The following SLC9C2 variants were observed in gnomAD, a reference collection of about 807,000 sequenced individuals.
SLC9C2 encodes the protein sodium/hydrogen exchanger 11.
SLC9C2 carries 75 observed loss-of-function variants against 140.2 expected under a neutral mutation model. That is an observed-to-expected ratio of 0.53 (90% confidence interval 0.44 to 0.65). SLC9C2 has a LOEUF of 0.65. Among genes scored for constraint, SLC9C2 ranks in the 30% least tolerant of loss-of-function variants. The pLI is 0.00. For missense variants in SLC9C2, 1,074 were observed against 1,331.8 expected, an observed-to-expected ratio of 0.81 and a Z score of 3.01; for synonymous variants, 375 against 420.9, an observed-to-expected ratio of 0.89 and a Z score of 1.34.
chr1:173,557,979 C>A (rs745418750), intron 9 of SLC9C2, among the ~76,000 whole-genome samples: 3 of 152,104 alleles, frequency 2.0e-5, no homozygotes, highest in Non-Finnish European at 4.4e-5. Flanking sequence ...AAGAATCATA[C>A]GCTAAATGTC....
In SLC9C2 at chr1:173,550,452, A is replaced by ATTTATTTATTT. The variant is rs767649310; in HGVS notation, c.1298-1901_1298-1900insAAATAAATAAA. Among the ~76,000 whole-genome samples the ATTTATTTATTT allele has an allele frequency of 4.1e-3, 601 of 145,610 alleles. 4 individuals carry two copies. The highest frequency in any genetic ancestry group is 0.015 in the African/African-American group (569 of 38,412). On this transcript the variant is annotated intron_variant, in intron 11 of 27. Coordinates refer to ENST00000367714, the MANE Select transcript of SLC9C2 (RefSeq NM_178527.4). The stretch of plus-strand genomic sequence containing the variant: ...TATTTATTTATTTATTTATTTATTT[A>ATTTATTTATTT]TTTTTGAGGAGGAGTTTCACTCTGT...
Position 173,601,543 on chromosome 1 carries a change from G to A in SLC9C2, c.127+107C>T, listed in dbSNP as rs967671158. ...TGACAGTATTCACTCATGTCTTATC[G>A]TTTCAATGGGCCCCTTCTTTTGATG... On this transcript the variant is annotated intron_variant, in intron 2 of 27. Coordinates refer to ENST00000367714, the MANE Select transcript of SLC9C2 (RefSeq NM_178527.4). 45 of 1,274,042 alleles carry A rather than the reference G, an allele frequency of 3.5e-5. No homozygotes were observed. The Admixed American group carries it at 6.1e-4, about 17-fold the overall frequency. The allele number at this position is 1,274,042 out of a possible 1,614,324, so 78.9% of individuals were successfully genotyped here. A position where few individuals can be genotyped will look rare whatever the true frequency, so the allele number is the denominator to read the frequency against.
At chr1:173,535,233 T>C (rs1042079137) in intron 15 of SLC9C2, among the ~76,000 whole-genome samples, 3 of 152,162 alleles carry the variant, frequency 2.0e-5, no homozygotes, top group African/African-American at 7.2e-5. Flanking sequence ...CCTCTTAAAA[T>C]TTAGCAGCAT....
intron 13 of SLC9C2, among the ~76,000 whole-genome samples, chr1:173,540,472 T>C (rs935356154): frequency 2.6e-5 from 4 of 152,104 alleles, no homozygotes; most frequent in African/African-American, 9.7e-5. Context: ...ACATACTGCA[T>C]TAGCTTTGGA....
chr1:173,582,104 T>C (rs915240909), intron 6 of SLC9C2, 96 bp from the exon 7 acceptor site: 6 of 963,168 alleles, frequency 6.2e-6, no homozygotes, highest in Non-Finnish European at 8.7e-6. Flanking sequence ...TTTGGTTTGC[T>C]TGTGAGATTT....
intron 9 of SLC9C2, among the ~76,000 whole-genome samples, chr1:173,558,351 C>G (rs1663855333): frequency 6.6e-6 from 1 of 152,168 alleles, no homozygotes; most frequent in African/African-American, 2.4e-5. Context: ...CCTTTTCAGG[C>G]TTACTAAATA....
At chr1:173,571,076 C>T (rs577732089) in intron 9 of SLC9C2, among the ~76,000 whole-genome samples, 3 of 152,214 alleles carry the variant, frequency 2.0e-5, no homozygotes, top group South Asian at 2.1e-4. Flanking sequence ...TGTGGTGTTC[C>T]TGCAGGGGGG....
chr1:173,588,918 A>C (rs1173787525), intron 4 of SLC9C2, among the ~76,000 whole-genome samples: 1 of 152,140 alleles, frequency 6.6e-6, no homozygotes, highest in Non-Finnish European at 1.5e-5. Context: ...TACAAAAAAA[A>C]AAATTAAAAA....
intron 24 of SLC9C2, 39 bp downstream of exon 24, chr1:173,509,528 TA>T: frequency 6.9e-7 from 1 of 1,456,440 alleles, no homozygotes; most frequent in South Asian, 1.3e-5. Flanking sequence ...ATACAATGCA[TA>T]AAAATTCAAT....
At chr1:173,547,922 G>T in intron 12 of SLC9C2, 138 bp from the exon 13 acceptor site, 1 of 643,224 alleles carries the variant, frequency 1.6e-6, no homozygotes. Context: ...GAAGAGCTAT[G>T]TAATGTTTTT....
chr1:173,548,004 T>G lies in SLC9C2; in HGVS notation c.1462-220A>C, dbSNP rs556733127. Among the ~76,000 whole-genome samples, 11 of 152,346 alleles carry G rather than the reference T, an allele frequency of 7.2e-5. 1 individual carries two copies. The South Asian group carries it at 2.3e-3, about 32-fold the overall frequency. On this transcript the variant is annotated intron_variant, in intron 12 of 27. Transcript: ENST00000367714. ...TTGGGGAGATTTATATCCCAAATTC[T>G]TCTCTAAACTTATCTATATGTTTGA...
chr1:173,562,698 T>C (rs955865476), intron 9 of SLC9C2, among the ~76,000 whole-genome samples: 10 of 152,210 alleles, frequency 6.6e-5, no homozygotes, highest in African/African-American at 2.4e-4. Context: ...GTATTTAGCA[T>C]ATATAATTTG....
chr1:173,589,964 C>CT (rs1219000413), intron 4 of SLC9C2, among the ~76,000 whole-genome samples: 16 of 152,130 alleles, frequency 1.1e-4, no homozygotes, highest in Admixed American at 1.0e-3. Flanking sequence ...ATAACAAGGC[C>CT]TGGCACCGTG....
intron 13 of SLC9C2, among the ~76,000 whole-genome samples, chr1:173,541,190 A>G (rs557729193): frequency 3.3e-4 from 50 of 152,308 alleles, no homozygotes; most frequent in African/African-American, 1.1e-3. Flanking sequence ...AGCAAAAAAA[A>G]AAAGCAGGGG....
At chr1:173,521,908 A>AAAAAAG (rs869176287) in intron 21 of SLC9C2, among the ~76,000 whole-genome samples, 2 of 139,262 alleles carry the variant, frequency 1.4e-5, no homozygotes, top group East Asian at 2.1e-4. Context: ...AAAAAAAAAA[A>AAAAAAG]TGCAGAAAAG....
intron 9 of SLC9C2, among the ~76,000 whole-genome samples, chr1:173,564,968 C>CTTTTT (rs564120430): frequency 7.0e-5 from 8 of 113,616 alleles, no homozygotes; most frequent in East Asian, 2.6e-4. Context: ...TTTTCTTTTT[C>CTTTTT]TTTTTTTTTT....
At chr1:173,545,311 T>A (rs751329642) in intron 13 of SLC9C2, among the ~76,000 whole-genome samples, 3 of 152,124 alleles carry the variant, frequency 2.0e-5, no homozygotes, top group Non-Finnish European at 4.4e-5. Context: ...CAGTTCTAAG[T>A]GAATATAAAT....
chr1:173,519,678 T>A (rs1481599380), intron 22 of SLC9C2, among the ~76,000 whole-genome samples: 3 of 152,228 alleles, frequency 2.0e-5, no homozygotes, highest in Admixed American at 2.0e-4. Context: ...CCGTATTTCA[T>A]AAATACTGGC....
rs761463906 is a variant in SLC9C2 at position 173,547,745 on chromosome 1, T to G, written c.1501A>C (p.Thr501Pro). 1.9e-6 allele frequency: 3 copies of G among 1,612,590 alleles called. No individual in the cohort carries two copies. The highest frequency in any genetic ancestry group is 2.5e-6 in the Non-Finnish European group (3 of 1,178,916). The stretch of plus-strand genomic sequence containing the variant: ...TCCTCCATTAAAGCTTCATCTGTTG[T>G]GGATTCTGTCTTCATATCATTATGT... ...VSHNDMKTESTTDEALMEEAR... is the reference protein window; with the variant it reads ...VSHNDMKTESPTDEALMEEAR... The change falls in exon 13 of 28, where the codon ACA becomes CCA. Residue 501 changes from threonine to proline, a missense_variant. Thr to Pro is a conservative substitution (Grantham distance 38). Coordinates refer to ENST00000367714, the MANE Select transcript of SLC9C2 (RefSeq NM_178527.4).
Sources: gnomAD v4.1 joint callset for allele counts (sites outside exome capture counted in the v4.1 genomes callset) on GRCh38, gnomAD v4.1.1 for gene constraint, MANE v1.5 for transcripts, NCBI Gene and HGNC (gene_info 2026-07-23, HGNC 2026-07-21) for gene names.